The following HTR1F variants were observed in gnomAD, a reference collection of about 807,000 sequenced individuals.
HTR1F encodes 5-hydroxytryptamine (serotonin) receptor 1F, G protein-coupled.
A neutral mutation model predicts 24.0 loss-of-function variants in HTR1F; 17 were observed. The observed-to-expected ratio is 0.71, with a 90% CI of 0.48 to 1.06. HTR1F has a LOEUF of 1.06. Among genes scored for constraint, HTR1F ranks in the 50% least tolerant of loss-of-function variants. The pLI, the probability that HTR1F is intolerant of heterozygous loss-of-function variation, is 0.00. For missense variants in HTR1F, 391 were observed against 427.8 expected (o/e 0.91, Z 0.76); for synonymous variants, 186 against 156.8 (o/e 1.19, Z -1.39).
chr3:87,823,516 AT>A (rs199538588), intron 2 of HTR1F, among the ~76,000 whole-genome samples: 26,201 of 139,004 alleles, frequency 0.19, 2,344 homozygotes, highest in East Asian at 0.38. Context: ...CTGGTCCCAT[AT>A]TTTTTTTTTT....
intron 2 of HTR1F, among the ~76,000 whole-genome samples, chr3:87,921,302 T>G (rs1264134944): frequency 6.6e-6 from 1 of 152,036 alleles, no homozygotes; most frequent in East Asian, 1.9e-4. Flanking sequence ...AAGTAGATTA[T>G]AATTTATCAT....
At chr3:87,912,010 C>G (rs1222538867) in intron 2 of HTR1F, among the ~76,000 whole-genome samples, 1 of 151,912 alleles carries the variant, frequency 6.6e-6, no homozygotes, top group Non-Finnish European at 1.5e-5. Context: ...ATCAGCATGA[C>G]AAGAATGTCC....
intron 2 of HTR1F, among the ~76,000 whole-genome samples, chr3:87,984,457 G>GTTTTTGT (rs11447278): frequency 6.6e-6 from 1 of 151,736 alleles, no homozygotes; most frequent in Admixed American, 6.6e-5. Context: ...TTGTTTGTTT[G>GTTTTTGT]TTTTGTTTTT....
intron 2 of HTR1F, among the ~76,000 whole-genome samples, chr3:87,975,807 G>C (rs1705383693): frequency 2.0e-5 from 3 of 152,146 alleles, no homozygotes; most frequent in South Asian, 2.1e-4. Flanking sequence ...GAGCAAACTG[G>C]AAGACCAGAT....
At chr3:87,945,860 G>A (rs181148588) in intron 2 of HTR1F, among the ~76,000 whole-genome samples, 47 of 144,200 alleles carry the variant, frequency 3.3e-4, no homozygotes, top group African/African-American at 1.1e-3. Flanking sequence ...AAATGTTACC[G>A]GGGGGGTCCT....
At chr3:87,948,237 A>T (rs2107456515) in intron 2 of HTR1F, among the ~76,000 whole-genome samples, 1 of 152,316 alleles carries the variant, frequency 6.6e-6, no homozygotes, top group East Asian at 1.9e-4. Context: ...GAGCATCCTA[A>T]TTAATTATTA....
At chr3:87,958,708 T>C (rs754972769) in intron 2 of HTR1F, among the ~76,000 whole-genome samples, 79 of 151,620 alleles carry the variant, frequency 5.2e-4, no homozygotes, top group Admixed American at 7.2e-4. Flanking sequence ...CTATCACCAT[T>C]CCTTTCTTAA....
intron 1 of HTR1F, among the ~76,000 whole-genome samples, chr3:87,804,582 T>A (rs1324052004): frequency 6.6e-6 from 1 of 152,108 alleles, no homozygotes; most frequent in Non-Finnish European, 1.5e-5. Flanking sequence ...AATTTGAATA[T>A]CAGTATTTTT....
At chr3:87,906,181 T>C (rs1035106577) in intron 2 of HTR1F, among the ~76,000 whole-genome samples, 3 of 152,128 alleles carry the variant, frequency 2.0e-5, no homozygotes, top group Admixed American at 6.6e-5. Flanking sequence ...GTTAAGGCTA[T>C]AGAGTAACTT....
chr3:87,887,118 C>T (rs1705966821), intron 2 of HTR1F, among the ~76,000 whole-genome samples: 1 of 152,074 alleles, frequency 6.6e-6, no homozygotes, highest in Non-Finnish European at 1.5e-5. Flanking sequence ...GGACTGATAC[C>T]AAAACAAACA....
At chr3:87,923,118 T>A (rs1303739634) in intron 2 of HTR1F, among the ~76,000 whole-genome samples, 1 of 152,050 alleles carries the variant, frequency 6.6e-6, no homozygotes, top group African/African-American at 2.4e-5. Flanking sequence ...GTTCCATTGG[T>A]CTATGTATCT....
chr3:87,946,222 C>A (rs1211753030), intron 2 of HTR1F, among the ~76,000 whole-genome samples: 1 of 152,088 alleles, frequency 6.6e-6, no homozygotes, highest in African/African-American at 2.4e-5. Context: ...TGGAAGTCAG[C>A]GGCGGTATGC....
chr3:87,950,641 T>C (rs1234015679), intron 2 of HTR1F, among the ~76,000 whole-genome samples: 2 of 152,116 alleles, frequency 1.3e-5, no homozygotes, highest in Non-Finnish European at 2.9e-5. Context: ...GATTATAATC[T>C]GGAATAATAC....
intron 2 of HTR1F, among the ~76,000 whole-genome samples, chr3:87,895,423 A>G (rs766949027): frequency 1.3e-5 from 2 of 152,144 alleles, no homozygotes; most frequent in Non-Finnish European, 2.9e-5. Flanking sequence ...ATATATACAC[A>G]CATATTATTT....
rs200262975 is a variant in HTR1F at position 87,880,139 on chromosome 3, T to C, written c.-43+58015T>C. On this transcript the variant is annotated intron_variant, in intron 2 of 2. Transcript: ENST00000319595. ...AAATGCAAACTATTCTACAGTGACA[T>C]AAAAACAGATAAGTGATAGGCTGGG... Among the ~76,000 whole-genome samples the C allele has an allele frequency of 8.5e-5, 13 of 152,136 alleles. No homozygotes were observed. The East Asian group carries it at 2.5e-3, about 29-fold the overall frequency.
intron 2 of HTR1F, among the ~76,000 whole-genome samples, chr3:87,886,066 A>G (rs1235797973): frequency 6.6e-6 from 1 of 152,210 alleles, no homozygotes; most frequent in Non-Finnish European, 1.5e-5. Flanking sequence ...AGTATCCCTG[A>G]TGCACATCGA....
At chr3:87,924,234 G>A (rs1254396915) in intron 2 of HTR1F, among the ~76,000 whole-genome samples, 1 of 151,994 alleles carries the variant, frequency 6.6e-6, no homozygotes, top group Non-Finnish European at 1.5e-5. Flanking sequence ...AATTGTATGT[G>A]TCCAGGAACT....
chr3:87,943,492 G>A (rs12490415), intron 2 of HTR1F, among the ~76,000 whole-genome samples: 61,117 of 151,154 alleles, frequency 0.4, 12,719 homozygotes, highest in African/African-American at 0.5. Flanking sequence ...GGGCATAATC[G>A]GGGAATATTG....
At chr3:87,847,058 A>G (rs1169582887) in intron 2 of HTR1F, among the ~76,000 whole-genome samples, 1 of 151,864 alleles carries the variant, frequency 6.6e-6, no homozygotes, top group Non-Finnish European at 1.5e-5. Context: ...TAAATACAAA[A>G]TGGGGAAAAT....
Sources: allele counts gnomAD v4.1 joint callset (sites outside exome capture counted in the v4.1 genomes callset), GRCh38; gene constraint gnomAD v4.1.1; transcripts MANE v1.5; gene names NCBI Gene and HGNC (gene_info 2026-07-23, HGNC 2026-07-21).